SLIT2: variants seen among roughly 807,000 people sequenced by gnomAD.
SLIT2 encodes the protein slit homolog 2 protein.
SLIT2 carries 41 observed loss-of-function variants against 185.7 expected under a neutral mutation model. That is an observed-to-expected ratio of 0.22 (90% CI 0.17 to 0.29). The LOEUF is 0.29. SLIT2 is among the 10% of genes least tolerant of loss of function. SLIT2 has a pLI of 1.00. For missense variants in SLIT2, 1,571 were observed against 1,909.0 expected (o/e 0.82, Z 3.30); for synonymous variants, 693 against 680.2 (o/e 1.02, Z -0.29).
At chr4:20,522,761 A>G (rs930365740) in intron 12 of SLIT2, among the ~76,000 whole-genome samples, 7 of 152,282 alleles carry the variant, frequency 4.6e-5, no homozygotes, top group Non-Finnish European at 8.8e-5. Flanking sequence ...AGCCTATACT[A>G]ATGTACCATG....
At chr4:20,492,025 A>G in intron 9 of SLIT2, 126 bp downstream of exon 9, 1 of 831,066 alleles carries the variant, frequency 1.2e-6, no homozygotes, top group Admixed American at 2.7e-5. Flanking sequence ...TGTTCTCTTC[A>G]GAAATGTATT....
chr4:20,394,478 A>G (rs1286282067), intron 4 of SLIT2: 4 of 151,972 alleles, frequency 2.6e-5, no homozygotes, highest in African/African-American at 9.7e-5. Flanking sequence ...CACCTCTCCA[A>G]GCCACCTACT....
intron 4 of SLIT2, among the ~76,000 whole-genome samples, chr4:20,323,243 C>T (rs1719261658): frequency 6.6e-6 from 1 of 152,076 alleles, no homozygotes; most frequent in Non-Finnish European, 1.5e-5. Flanking sequence ...TTATTCGTAT[C>T]AAGACTCTGA....
intron 4 of SLIT2, among the ~76,000 whole-genome samples, chr4:20,417,657 G>T (rs1404796951): frequency 6.6e-6 from 1 of 151,648 alleles, no homozygotes; most frequent in Non-Finnish European, 1.5e-5. Context: ...GAGTAGCTGG[G>T]ACTATAGGCG....
chr4:20,528,953 A>G lies in SLIT2; in HGVS notation c.1467A>G (p.Thr489=). 1 of 1,613,610 alleles carries G rather than the reference A, an allele frequency of 6.2e-7. No homozygotes were observed. The highest frequency in any genetic ancestry group is 8.5e-7 in the Non-Finnish European group (1 of 1,179,622). Residue 489 remains threonine (T), a synonymous_variant, in exon 16 of 37, where the codon ACA becomes ACG. Transcript: ENST00000504154. This position sits in a 1 kb window ranked among gnomAD's most constrained non-coding sequence, Gnocchi z 4.2. ...TTTGGTTTGAATTCTCAATAGGTACAGAAGATTATCGATCAAAATTAAGTG... is the reference window on the plus strand; with the variant it reads ...TTTGGTTTGAATTCTCAATAGGTACGGAAGATTATCGATCAAAATTAAGTG... The part of the protein sequence containing the change: ...SAKEQYFIPG[T]EDYRSKLSGD...
At chr4:20,362,088 A>C (rs1265938540) in intron 4 of SLIT2, among the ~76,000 whole-genome samples, 1 of 152,082 alleles carries the variant, frequency 6.6e-6, no homozygotes, top group South Asian at 2.1e-4. Context: ...GGGACAGCCT[A>C]ATTAGCCCAT....
intron 21 of SLIT2, among the ~76,000 whole-genome samples, chr4:20,545,609 G>T (rs1051571443): frequency 5.3e-5 from 8 of 151,908 alleles, no homozygotes; most frequent in Non-Finnish European, 8.8e-5. Context: ...CCTTTAATGT[G>T]TCCATTGTTA....
chr4:20,591,637 T>A (rs1187653589), intron 30 of SLIT2, among the ~76,000 whole-genome samples: 1 of 151,736 alleles, frequency 6.6e-6, no homozygotes, highest in Non-Finnish European at 1.5e-5. Context: ...AACCAAACAC[T>A]GTAGGTAAGT....
intron 4 of SLIT2, among the ~76,000 whole-genome samples, chr4:20,347,912 G>T (rs189023221): frequency 2.0e-5 from 3 of 152,266 alleles, no homozygotes; most frequent in African/African-American, 7.2e-5. Flanking sequence ...ACACTAGAAA[G>T]CCATGGAAGG....
intron 9 of SLIT2, among the ~76,000 whole-genome samples, chr4:20,501,892 G>T (rs1178964452): frequency 6.6e-6 from 1 of 152,020 alleles, no homozygotes; most frequent in Non-Finnish European, 1.5e-5. Context: ...TCTTCAAAAG[G>T]CTTCATATAT....
chr4:20,467,353 C>A (rs1714473516), intron 4 of SLIT2, among the ~76,000 whole-genome samples: 1 of 152,056 alleles, frequency 6.6e-6, no homozygotes, highest in Admixed American at 6.6e-5. Context: ...TTCCTATATA[C>A]TTTATAAGTT....
chr4:20,475,063 G>A (rs1211972279), intron 5 of SLIT2, among the ~76,000 whole-genome samples: 1 of 151,926 alleles, frequency 6.6e-6, no homozygotes, highest in Non-Finnish European at 1.5e-5. Context: ...GTAACATCCA[G>A]TCTCTTTAGG....
At chr4:20,481,086 A>G (rs985580170) in intron 6 of SLIT2, among the ~76,000 whole-genome samples, 1 of 149,178 alleles carries the variant, frequency 6.7e-6, no homozygotes, top group South Asian at 2.1e-4. Flanking sequence ...TCAACTTTAT[A>G]GGAAAAATAA....
At chr4:20,552,025 G>A (rs918769621) in intron 25 of SLIT2, among the ~76,000 whole-genome samples, 4 of 152,106 alleles carry the variant, frequency 2.6e-5, no homozygotes, top group African/African-American at 9.7e-5. Context: ...TAAACTACTA[G>A]GTCCAGGAAG....
intron 4 of SLIT2, among the ~76,000 whole-genome samples, chr4:20,391,379 A>G (rs1338787088): frequency 6.6e-6 from 1 of 152,078 alleles, no homozygotes; most frequent in East Asian, 1.9e-4. Context: ...CACGAACAGA[A>G]ACCACCAAGA....
At chr4:20,463,511 A>ATGTGTGTG (rs1713997010) in intron 4 of SLIT2, among the ~76,000 whole-genome samples, 1 of 84,196 alleles carries the variant, frequency 1.2e-5, no homozygotes, top group African/African-American at 4.3e-5. Context: ...GCGTATATCC[A>ATGTGTGTG]TATATGTGTG....
intron 9 of SLIT2, among the ~76,000 whole-genome samples, chr4:20,500,071 T>A (rs1261069779): frequency 6.6e-6 from 1 of 152,112 alleles, no homozygotes; most frequent in African/African-American, 2.4e-5. Flanking sequence ...ACAATATTGA[T>A]AAAATAAGTA....
chr4:20,342,714 G>A (rs958531747), intron 4 of SLIT2, among the ~76,000 whole-genome samples: 7 of 117,378 alleles, frequency 6.0e-5, no homozygotes, highest in South Asian at 2.8e-4. Flanking sequence ...ATCGACTATC[G>A]CACTTTTTTT....
At chr4:20,553,725 A>G in intron 25 of SLIT2, 80 bp from the exon 26 acceptor site, 1 of 1,219,172 alleles carries the variant, frequency 8.2e-7, no homozygotes, top group Non-Finnish European at 1.1e-6. Context: ...AAATAACAAT[A>G]CTTCCATACT....
Sources: allele counts gnomAD v4.1 joint callset (sites outside exome capture counted in the v4.1 genomes callset), GRCh38; gene constraint gnomAD v4.1.1; non-coding constraint Gnocchi (gnomAD v3.1); transcripts MANE v1.5; gene names NCBI Gene and HGNC (gene_info 2026-07-23, HGNC 2026-07-21).